Variants in LRP1B observed in about 807,000 individuals in gnomAD.
LRP1B encodes the protein low-density lipoprotein receptor-related protein 1B.
Under a neutral mutation model 556.6 loss-of-function variants are expected in LRP1B, and 217 were observed. That is an observed-to-expected ratio of 0.39 (90% CI 0.35 to 0.44). LRP1B has a LOEUF of 0.44. LRP1B is among the 20% of genes least tolerant of loss of function. LRP1B has a pLI of 1.00. For synonymous variants in LRP1B, 2,047 were observed against 1,865.8 expected, an observed-to-expected ratio of 1.10 and a Z score of -2.50; for missense variants, 5,053 against 5,620.8, an observed-to-expected ratio of 0.90 and a Z score of 3.23.
chr2:141,548,634 T>C (rs1685638209), intron 2 of LRP1B, among the ~76,000 whole-genome samples: 1 of 152,194 alleles, frequency 6.6e-6, no homozygotes, highest in Admixed American at 6.6e-5. Context: ...TTTTTTTTGG[T>C]ACATGACCCA....
At chr2:141,671,577 G>A (rs1000140762) in intron 2 of LRP1B, among the ~76,000 whole-genome samples, 3 of 152,144 alleles carry the variant, frequency 2.0e-5, no homozygotes, top group African/African-American at 7.2e-5. Flanking sequence ...TTGGTAGTGT[G>A]AGAGTTGGAG....
rs973161322 is a variant in LRP1B at position 140,266,387 on chromosome 2, A to G, written c.13247+3855T>C. 2.0e-5 allele frequency among the ~76,000 whole-genome samples: 3 copies of G among 152,152 alleles called. No homozygotes were observed. In the East Asian group the frequency reaches 5.8e-4, roughly 30 times the overall value. ...GATTTGTAGGAATCTACTCTTCAGT[A>G]AATCTCCCTCAACTTCTAAATCTTC... On this transcript the variant is annotated intron_variant, in intron 86 of 90. Transcript: ENST00000389484.
chr2:140,364,488 G>A (rs1020481113), intron 72 of LRP1B, among the ~76,000 whole-genome samples, 173 bp downstream of exon 72: 9 of 151,500 alleles, frequency 5.9e-5, no homozygotes, highest in African/African-American at 2.2e-4. Context: ...TCATAACTTC[G>A]GAACCGGATT....
At chr2:140,743,588 ATAAACT>A (rs1484993949) in intron 35 of LRP1B, among the ~76,000 whole-genome samples, 1 of 152,220 alleles carries the variant, frequency 6.6e-6, no homozygotes, top group Non-Finnish European at 1.5e-5. Flanking sequence ...AAATGAATTA[ATAAACT>A]TAAAGCACTT....
chr2:140,594,475 A>G (rs749355675), intron 43 of LRP1B, among the ~76,000 whole-genome samples: 29 of 152,358 alleles, frequency 1.9e-4, no homozygotes, highest in Non-Finnish European at 4.3e-4. Flanking sequence ...TCCTAAAGAT[A>G]TTCAAAAGAA....
intron 3 of LRP1B, among the ~76,000 whole-genome samples, chr2:141,398,431 A>C (rs1690325378): frequency 6.6e-6 from 1 of 152,214 alleles, no homozygotes; most frequent in Admixed American, 6.5e-5. Context: ...CAAACAAGCA[A>C]GCGGGTATAG....
chr2:140,748,593 A>G (rs111902986), intron 35 of LRP1B, among the ~76,000 whole-genome samples: 1,356 of 7,732 alleles, frequency 0.18, 45 homozygotes, highest in Middle Eastern at 0.5. Flanking sequence ...TACAGTGTGT[A>G]TATATATATA....
intron 1 of LRP1B, among the ~76,000 whole-genome samples, chr2:141,972,509 G>C (rs903553211): frequency 1.3e-5 from 2 of 151,142 alleles, no homozygotes; most frequent in African/African-American, 4.8e-5. Context: ...GGAATTTCCA[G>C]GTGTTATTTT....
intron 1 of LRP1B, among the ~76,000 whole-genome samples, chr2:141,964,766 G>A (rs1701506655): frequency 6.6e-6 from 1 of 151,928 alleles, no homozygotes; most frequent in Non-Finnish European, 1.5e-5. Context: ...AAACTAAAGA[G>A]CTTCTACACA....
At chr2:141,522,992 T>C (rs1426584325) in intron 2 of LRP1B, among the ~76,000 whole-genome samples, 1 of 152,130 alleles carries the variant, frequency 6.6e-6, no homozygotes, top group Non-Finnish European at 1.5e-5. Flanking sequence ...ATCTCCTCTG[T>C]CCTGGAGAAC....
At chr2:141,381,601 T>C (rs1016222805) in intron 3 of LRP1B, among the ~76,000 whole-genome samples, 2 of 151,594 alleles carry the variant, frequency 1.3e-5, no homozygotes, top group African/African-American at 4.8e-5. Flanking sequence ...ACACATCAAA[T>C]TGTCACAAGT....
intron 75 of LRP1B, 99 bp from the exon 76 acceptor site, chr2:140,353,171 C>T (rs1164418012): frequency 1.9e-5 from 23 of 1,227,548 alleles, no homozygotes; most frequent in Non-Finnish European, 2.1e-5. Flanking sequence ...TAACTTATTA[C>T]TAGCTTTATT....
At chr2:141,220,383 A>C (rs1443896068) in intron 6 of LRP1B, among the ~76,000 whole-genome samples, 1 of 152,172 alleles carries the variant, frequency 6.6e-6, no homozygotes, top group Non-Finnish European at 1.5e-5. Context: ...GAGAAAAAAT[A>C]AAAAGGAACA....
At chr2:140,829,792 A>C (rs890970096) in intron 31 of LRP1B, among the ~76,000 whole-genome samples, 1 of 152,006 alleles carries the variant, frequency 6.6e-6, no homozygotes, top group African/African-American at 2.4e-5. Context: ...AATAAATACA[A>C]TTGAGAATAA....
Position 140,414,833 on chromosome 2 carries a change from C to T in LRP1B, c.10414+27671G>A, listed in dbSNP as rs556404116. 6.4e-4 allele frequency among the ~76,000 whole-genome samples: 98 copies of T among 152,070 alleles called. 2 individuals carry two copies. Among genetic ancestry groups the T allele is most frequent in the Middle Eastern group, 6.8e-3 (2 of 294 alleles). Reference sequence around the variant, plus strand: ...CAGAATAACAGCGATCTTTAGGGAACGAGGGAAGACAACCATAAGGTCTGA... The same window carrying T: ...CAGAATAACAGCGATCTTTAGGGAATGAGGGAAGACAACCATAAGGTCTGA... On this transcript the variant is annotated intron_variant, in intron 66 of 90. Coordinates refer to ENST00000389484, the MANE Select transcript of LRP1B (RefSeq NM_018557.3).
chr2:142,083,073 T>A (rs1400146487), intron 1 of LRP1B, among the ~76,000 whole-genome samples: 10 of 152,096 alleles, frequency 6.6e-5, no homozygotes, highest in Non-Finnish European at 1.5e-5. Context: ...ATAGAGAAAC[T>A]ACAAGAGGTA....
At chr2:141,863,358 G>A (rs1256175048) in intron 1 of LRP1B, among the ~76,000 whole-genome samples, 1 of 152,094 alleles carries the variant, frequency 6.6e-6, no homozygotes, top group Non-Finnish European at 1.5e-5. Flanking sequence ...ACAAGTATAT[G>A]ACATCATTTC....
Position 141,357,991 on chromosome 2 carries a change from C to G in LRP1B, c.344-103350G>C, listed in dbSNP as rs1318627967. ...GGAAAAACAACCCTCTTCCAGGAACCTTCTTCAAAGACACAATTATATAGA... is the reference window on the plus strand; with the variant it reads ...GGAAAAACAACCCTCTTCCAGGAACGTTCTTCAAAGACACAATTATATAGA... On this transcript the variant is annotated intron_variant, in intron 3 of 90. Transcript: ENST00000389484. 2.0e-5 allele frequency among the ~76,000 whole-genome samples: 3 copies of G among 152,216 alleles called. No individual in the cohort carries two copies. The East Asian group carries it at 5.8e-4, about 29-fold the overall frequency.
At chr2:141,122,454 C>G (rs1418278152) in intron 7 of LRP1B, among the ~76,000 whole-genome samples, 1 of 150,738 alleles carries the variant, frequency 6.6e-6, no homozygotes, top group African/African-American at 2.4e-5. Context: ...TGAACAGACA[C>G]TTCTCAAAAG....
Sources: gnomAD v4.1 joint callset for allele counts (sites outside exome capture counted in the v4.1 genomes callset) on GRCh38, gnomAD v4.1.1 for gene constraint, MANE v1.5 for transcripts, NCBI Gene and HGNC (gene_info 2026-07-23, HGNC 2026-07-21) for gene names.